The following HSD17B12 variants were observed in gnomAD, a reference collection of about 807,000 sequenced individuals.
HSD17B12 encodes the protein hydroxysteroid 17-beta dehydrogenase 12, also known as very-long-chain 3-oxoacyl-CoA reductase.
HSD17B12 carries 32 observed loss-of-function variants against 39.3 expected under a neutral mutation model. The observed-to-expected ratio is 0.81, with a 90% CI of 0.61 to 1.09. The LOEUF (loss-of-function observed/expected upper bound fraction) is 1.09, where lower values mean the gene tolerates loss of function less well. Ranked by LOEUF, HSD17B12 falls within the 50% of genes least tolerant of loss-of-function variation. The probability of loss-of-function intolerance (pLI) is 0.00; values close to 1 mark genes in which losing one functional copy is unlikely to be tolerated. For missense variants in HSD17B12, 342 were observed against 382.9 expected (o/e 0.89, Z 0.89); for synonymous variants, 150 against 146.7 (o/e 1.02, Z -0.16).
At chr11:43,801,898 G>A (rs979464707) in intron 4 of HSD17B12, among the ~76,000 whole-genome samples, 2 of 151,996 alleles carry the variant, frequency 1.3e-5, no homozygotes, top group African/African-American at 4.8e-5. Context: ...CTGTTCAATA[G>A]AAATGTAACA....
chr11:43,767,200 T>C (rs1311254034), intron 3 of HSD17B12, among the ~76,000 whole-genome samples: 2 of 135,452 alleles, frequency 1.5e-5, no homozygotes, highest in East Asian at 2.8e-4. Context: ...CAGTGACTTT[T>C]GTGTAAAAAA....
intron 6 of HSD17B12, among the ~76,000 whole-genome samples, chr11:43,828,932 G>A (rs1321480122): frequency 6.6e-6 from 1 of 152,156 alleles, no homozygotes; most frequent in Non-Finnish European, 1.5e-5. Context: ...CTCATATAAA[G>A]AAGGCTTGAA....
At chr11:43,562,815 T>C in the HSD17B12 span, among the ~76,000 whole-genome samples, 1 of 152,220 alleles carries the variant, frequency 6.6e-6, no homozygotes, top group South Asian at 2.1e-4. Flanking sequence ...CCCTGGAGCT[T>C]TCACTTCAAC....
chr11:43,801,628 A>ATATATATATATATATATATG (rs1176560327), intron 4 of HSD17B12, among the ~76,000 whole-genome samples: 1 of 20,956 alleles, frequency 4.8e-5, no homozygotes, highest in African/African-American at 1.1e-4. Flanking sequence ...ATATATATAT[A>ATATATATATATATATATATG]TATGTATATG....
At chr11:43,783,830 A>G (rs1372619863) in intron 3 of HSD17B12, among the ~76,000 whole-genome samples, 1 of 152,198 alleles carries the variant, frequency 6.6e-6, no homozygotes, top group East Asian at 1.9e-4. Context: ...AGAAACTTAA[A>G]AAATAATTAT....
intron 3 of HSD17B12, among the ~76,000 whole-genome samples, chr11:43,761,246 G>A (rs532278307): frequency 6.6e-6 from 1 of 152,302 alleles, no homozygotes; most frequent in South Asian, 2.1e-4. Flanking sequence ...ATTATATCCT[G>A]ATAGGGAGAA....
chr11:43,634,890 A>G, the HSD17B12 span, among the ~76,000 whole-genome samples: 2 of 152,250 alleles, frequency 1.3e-5, no homozygotes, highest in African/African-American at 2.4e-5. Flanking sequence ...GGATATTGTT[A>G]AGAAAATTAG....
intron 6 of HSD17B12, among the ~76,000 whole-genome samples, chr11:43,823,033 A>G (rs1191244545): frequency 2.0e-5 from 3 of 151,994 alleles, no homozygotes; most frequent in East Asian, 1.9e-4. Flanking sequence ...TAATATTTTT[A>G]TATTAATTTA....
intron 1 of HSD17B12, 185 bp downstream of exon 1, chr11:43,681,172 C>A: frequency 7.1e-7 from 1 of 1,400,002 alleles, no homozygotes; most frequent in South Asian, 1.6e-5. Context: ...AGACTACTTG[C>A]AGAGTTTTAA....
At chr11:43,702,910 A>G (rs1265099561) in intron 1 of HSD17B12, among the ~76,000 whole-genome samples, 2 of 152,232 alleles carry the variant, frequency 1.3e-5, no homozygotes, top group Non-Finnish European at 2.9e-5. Context: ...CAGGGAAGCC[A>G]AAAGACTGGA....
the HSD17B12 span, among the ~76,000 whole-genome samples, chr11:43,656,556 C>G: frequency 2.0e-5 from 3 of 151,732 alleles, no homozygotes; most frequent in African/African-American, 4.9e-5. Context: ...AAATTTCCCT[C>G]TACACACTGC....
chr11:43,757,359 C>T (rs1324259531), intron 3 of HSD17B12, among the ~76,000 whole-genome samples: 7 of 152,162 alleles, frequency 4.6e-5, no homozygotes, highest in African/African-American at 1.2e-4. Flanking sequence ...GTAGGCCGGG[C>T]GCGGTGGCTC....
the HSD17B12 span, among the ~76,000 whole-genome samples, chr11:43,632,304 A>T: frequency 6.6e-6 from 1 of 152,220 alleles, no homozygotes; most frequent in African/African-American, 2.4e-5. Context: ...TGCTTCCAGT[A>T]CTAGGCATGT....
the HSD17B12 span, among the ~76,000 whole-genome samples, chr11:43,662,465 G>A: frequency 2.1e-5 from 3 of 141,036 alleles, no homozygotes; most frequent in South Asian, 2.3e-4. Flanking sequence ...GGCTGGTCTC[G>A]AACTCCTGAC....
At chr11:43,724,378 A>G (rs1266475526) in intron 1 of HSD17B12, among the ~76,000 whole-genome samples, 2 of 152,106 alleles carry the variant, frequency 1.3e-5, no homozygotes. Context: ...ATGTATTGAA[A>G]ATAAATCCAT....
the HSD17B12 span, among the ~76,000 whole-genome samples, chr11:43,624,236 A>G: frequency 4.6e-5 from 7 of 152,128 alleles, no homozygotes; most frequent in African/African-American, 1.4e-4. Flanking sequence ...TTCAACTTCA[A>G]TGAAATGTGT....
chr11:43,564,842 T>C, the HSD17B12 span, among the ~76,000 whole-genome samples: 2 of 151,988 alleles, frequency 1.3e-5, no homozygotes, highest in Non-Finnish European at 2.9e-5. Context: ...CTAGAGATGA[T>C]AGAGATGAGG....
chr11:43,759,894 AT>A (rs759446486), intron 3 of HSD17B12, among the ~76,000 whole-genome samples: 458 of 142,084 alleles, frequency 3.2e-3, no homozygotes, highest in Middle Eastern at 7.2e-3. Flanking sequence ...CACTTGGCTG[AT>A]TTTTTTTTTT....
At chr11:43,809,011 G>A (rs1372267316) in intron 4 of HSD17B12, among the ~76,000 whole-genome samples, 6 of 152,166 alleles carry the variant, frequency 3.9e-5, no homozygotes, top group African/African-American at 1.4e-4. Context: ...GAGCAATTAG[G>A]AGAAATTTAA....
Sources: gnomAD v4.1 joint callset for allele counts (sites outside exome capture counted in the v4.1 genomes callset) on GRCh38, gnomAD v4.1.1 for gene constraint, MANE v1.5 for transcripts, NCBI Gene and HGNC (gene_info 2026-07-23, HGNC 2026-07-21) for gene names.